CARMIL1: variants seen among roughly 807,000 people sequenced by gnomAD.
The protein encoded by CARMIL1 is capping protein regulator and myosin 1 linker 1.
Under a neutral mutation model 177.1 loss-of-function variants are expected in CARMIL1, and 90 were observed. The ratio of observed to expected loss-of-function variants is 0.51; its 90% CI spans 0.43 to 0.61. The LOEUF is 0.61. Ranked by LOEUF, CARMIL1 falls within the 20% of genes least tolerant of loss-of-function variation. CARMIL1 has a pLI of 0.00. For synonymous variants in CARMIL1, 577 were observed against 606.2 expected (o/e 0.95, Z 0.71); for missense variants, 1,380 against 1,667.0 (o/e 0.83, Z 3.00).
chr6:25,531,538 C>T (rs1249163449), intron 24 of CARMIL1, among the ~76,000 whole-genome samples: 1 of 152,042 alleles, frequency 6.6e-6, no homozygotes, highest in African/African-American at 2.4e-5. Flanking sequence ...ATTATTTAAG[C>T]AAGAAAAAGT....
intron 2 of CARMIL1, among the ~76,000 whole-genome samples, chr6:25,345,360 C>T (rs1305662272): frequency 5.9e-5 from 9 of 152,136 alleles, no homozygotes; most frequent in African/African-American, 2.2e-4. Flanking sequence ...TGTTCCTCAT[C>T]GTGTCTACTC....
At chr6:25,477,653 C>T (rs1448663177) in intron 11 of CARMIL1, among the ~76,000 whole-genome samples, 1 of 151,708 alleles carries the variant, frequency 6.6e-6, no homozygotes, top group Admixed American at 6.6e-5. Context: ...TGGAATAGAA[C>T]AGAAAATGTC....
intron 26 of CARMIL1, among the ~76,000 whole-genome samples, chr6:25,541,656 T>C (rs1808910532): frequency 6.6e-6 from 1 of 152,170 alleles, no homozygotes; most frequent in Non-Finnish European, 1.5e-5. Flanking sequence ...TCATTGTGTC[T>C]TTTTGTTTGT....
rs574382475 is a variant in CARMIL1 at position 25,335,345 on chromosome 6, G to A, written c.138+50436G>A. ...GATAAGGAATGCATAATCACTCTGG[G>A]TTCCTGGCTTTAAATTATAAGGATG... On this transcript the variant is annotated intron_variant, in intron 2 of 36. Transcript: ENST00000329474. 3.9e-5 allele frequency among the ~76,000 whole-genome samples: 6 copies of A among 152,288 alleles called. No homozygotes were observed. In the South Asian group the frequency reaches 1.0e-3, roughly 26 times the overall value.
At chr6:25,432,084 A>G (rs932653570) in intron 4 of CARMIL1, among the ~76,000 whole-genome samples, 7 of 152,200 alleles carry the variant, frequency 4.6e-5, no homozygotes, top group Non-Finnish European at 8.8e-5. Flanking sequence ...AAACACACAC[A>G]ATATATACTT....
At chr6:25,392,348 A>T (rs1445331968) in intron 2 of CARMIL1, among the ~76,000 whole-genome samples, 1 of 152,136 alleles carries the variant, frequency 6.6e-6, no homozygotes, top group Admixed American at 6.5e-5. Context: ...TTGATCTTGG[A>T]ATTTTCTTTA....
chr6:25,291,649 AT>A (rs34481770), intron 2 of CARMIL1, among the ~76,000 whole-genome samples: 11,496 of 150,570 alleles, frequency 0.076, 571 homozygotes, highest in East Asian at 0.15. Context: ...GTTTAAAACA[AT>A]TTTTTTTTTC....
chr6:25,600,489 G>A lies in CARMIL1; in HGVS notation c.3295G>A (p.Val1099Ile), dbSNP rs1410294686. 1 of 1,614,056 alleles carries A rather than the reference G, an allele frequency of 6.2e-7. No homozygotes were observed. Among genetic ancestry groups the A allele is most frequent in the Admixed American group, 1.7e-5 (1 of 60,030 alleles). Reference protein sequence around the residue: ...TEEPSSPKGAVRSPPVDCPRK... With the variant: ...TEEPSSPKGAIRSPPVDCPRK... Reference sequence around the variant, plus strand: ...AGAACCCTCCTCACCAAAAGGGGCAGTCAGAAGTCCACCTGTGGACTGTCC... The same window carrying A: ...AGAACCCTCCTCACCAAAAGGGGCAATCAGAAGTCCACCTGTGGACTGTCC... The change falls in exon 33 of 37, where the codon GTC (valine) becomes ATC (isoleucine). Residue 1099 changes from valine to isoleucine, a missense_variant. Coordinates refer to ENST00000329474, the MANE Select transcript of CARMIL1 (RefSeq NM_017640.6).
intron 2 of CARMIL1, among the ~76,000 whole-genome samples, chr6:25,304,970 T>C (rs1350069361): frequency 2.0e-5 from 3 of 152,126 alleles, no homozygotes; most frequent in Admixed American, 6.5e-5. Context: ...AATTAGGAGG[T>C]CTGTCCCTTT....
At chr6:25,416,459 G>A (rs1381737338) in intron 2 of CARMIL1, among the ~76,000 whole-genome samples, 2 of 152,142 alleles carry the variant, frequency 1.3e-5, no homozygotes, top group Non-Finnish European at 2.9e-5. Flanking sequence ...GATTATAATA[G>A]TGTTTTCCTT....
intron 2 of CARMIL1, among the ~76,000 whole-genome samples, chr6:25,361,383 C>T (rs6905765): frequency 2.1e-3 from 313 of 152,030 alleles, no homozygotes; most frequent in Non-Finnish European, 2.3e-3. Context: ...CCTTTCCCCC[C>T]CTGCACACTC....
chr6:25,388,558 G>C (rs1353445736), intron 2 of CARMIL1, among the ~76,000 whole-genome samples: 1 of 152,164 alleles, frequency 6.6e-6, no homozygotes, highest in Admixed American at 6.5e-5. Context: ...TAGAGACGGG[G>C]TTTCACCATG....
intron 2 of CARMIL1, among the ~76,000 whole-genome samples, chr6:25,362,276 A>G (rs752896552): frequency 1.3e-4 from 20 of 152,240 alleles, no homozygotes; most frequent in Non-Finnish European, 2.2e-4. Flanking sequence ...AAAGAAAATC[A>G]GTAAAAGTCA....
intron 2 of CARMIL1, among the ~76,000 whole-genome samples, chr6:25,403,862 T>A (rs2150592366): frequency 6.6e-6 from 1 of 152,366 alleles, no homozygotes; most frequent in East Asian, 1.9e-4. Flanking sequence ...ATGTTTTACT[T>A]ATTTATTCCT....
At chr6:25,453,434 C>G (rs943157272) in intron 8 of CARMIL1, among the ~76,000 whole-genome samples, 2 of 152,182 alleles carry the variant, frequency 1.3e-5, no homozygotes, top group African/African-American at 4.8e-5. Context: ...CACACAAACA[C>G]TTTACATTGA....
chr6:25,433,078 T>G (rs1796952763), intron 4 of CARMIL1: 1 of 152,214 alleles, frequency 6.6e-6, no homozygotes, highest in Non-Finnish European at 1.5e-5. Flanking sequence ...TGGTTTCACC[T>G]CCATCACTTT....
chr6:25,488,718 G>C lies in CARMIL1; in HGVS notation c.1065+133G>C, dbSNP rs1002627606. On this transcript the variant is annotated intron_variant, in intron 13 of 36. Transcript: ENST00000329474. Reference sequence around the variant, plus strand: ...TGACACCTTTGAATCATTTAGTTACGAGCTTATGAAGTGTTTTACTGAAAA... The same window carrying C: ...TGACACCTTTGAATCATTTAGTTACCAGCTTATGAAGTGTTTTACTGAAAA... 1.9e-4 allele frequency: 142 copies of C among 736,808 alleles called. 1 individual carries two copies. The highest frequency in any genetic ancestry group is 1.0e-3 in the South Asian group (64 of 62,972). 45.6% of individuals were successfully genotyped at this position (736,808 alleles called of 1,614,324 possible).
chr6:25,521,156 G>A (rs76128829), intron 23 of CARMIL1, among the ~76,000 whole-genome samples: 4,172 of 152,170 alleles, frequency 0.027, 80 homozygotes, highest in South Asian at 0.1. Flanking sequence ...ACAGTCTCTG[G>A]TGTGTGCTGA....
intron 2 of CARMIL1, among the ~76,000 whole-genome samples, chr6:25,330,754 C>G (rs1785545805): frequency 6.6e-6 from 1 of 151,768 alleles, no homozygotes; most frequent in Non-Finnish European, 1.5e-5. Flanking sequence ...TTTACCCCCT[C>G]ATTAGGTGAG....
Sources: allele counts gnomAD v4.1 joint callset (sites outside exome capture counted in the v4.1 genomes callset), GRCh38; gene constraint gnomAD v4.1.1; transcripts MANE v1.5; gene names NCBI Gene and HGNC (gene_info 2026-07-23, HGNC 2026-07-21).